ENPP2: variants seen among roughly 807,000 people sequenced by gnomAD.
ENPP2 encodes ectonucleotide pyrophosphatase/phosphodiesterase 2.
ENPP2 carries 51 observed loss-of-function variants against 120.2 expected under a neutral mutation model. The ratio of observed to expected loss-of-function variants is 0.42; its 90% CI spans 0.34 to 0.54. The LOEUF (loss-of-function observed/expected upper bound fraction) is 0.54. Among genes scored for constraint, ENPP2 ranks in the 20% least tolerant of loss-of-function variants. The pLI is 0.04. For synonymous variants in ENPP2, 365 were observed against 366.4 expected (o/e 1.00, Z 0.04); for missense variants, 920 against 1,066.5 (o/e 0.86, Z 1.91).
intron 19 of ENPP2, chr8:119,572,284 C>T (rs1485439264): frequency 6.8e-7 from 1 of 1,460,648 alleles, no homozygotes; most frequent in African/African-American, 1.4e-5. Context: ...CTTTGAGAAG[C>T]TATTCTCTTT....
intron 19 of ENPP2, chr8:119,572,033 G>A: frequency 1.6e-6 from 1 of 611,434 alleles, no homozygotes; most frequent in Non-Finnish European, 2.8e-6. Context: ...CAAATTTGGG[G>A]ACCCACCCCT....
intron 22 of ENPP2, among the ~76,000 whole-genome samples, chr8:119,566,604 C>A (rs548148610): frequency 2.6e-5 from 4 of 152,218 alleles, no homozygotes; most frequent in South Asian, 4.1e-4. Context: ...AAAGGCCAGG[C>A]CTGCAGAAAT....
intron 1 of ENPP2, among the ~76,000 whole-genome samples, chr8:119,665,899 T>C (rs929379634): frequency 1.3e-5 from 2 of 152,114 alleles, no homozygotes; most frequent in African/African-American, 2.4e-5. Context: ...GTCTTGGGAG[T>C]TGGTCATTAT....
chr8:119,626,772 A>G, intron 2 of ENPP2, 52 bp from the exon 3 acceptor site: 1 of 1,560,072 alleles, frequency 6.4e-7, no homozygotes, highest in Non-Finnish European at 8.8e-7. Flanking sequence ...TCATGTCACC[A>G]TGGAAAGGTG....
At chr8:119,585,802 A>G (rs1247936294) in intron 15 of ENPP2, among the ~76,000 whole-genome samples, 1 of 152,228 alleles carries the variant, frequency 6.6e-6, no homozygotes, top group Non-Finnish European at 1.5e-5. Flanking sequence ...AAATATTGCT[A>G]CAAGCAAAGT....
chr8:119,644,528 C>A (rs1040980878), intron 1 of ENPP2, among the ~76,000 whole-genome samples: 5 of 143,614 alleles, frequency 3.5e-5, no homozygotes, highest in African/African-American at 1.3e-4. Context: ...TAAATAGTTA[C>A]AATAAGGGAC....
chr8:119,617,178 A>G lies in ENPP2; in HGVS notation c.643T>C (p.Tyr215His). ...VYPTKTFPNL[Y>H]TLATGLYPES... is the part of the protein sequence containing the mutation. Reference sequence around the variant, plus strand: ...AAAATACTTACAGTGGCCAAAGTGTATAAGTTAGGAAAGGTTTTAGTTGGG... The same window carrying G: ...AAAATACTTACAGTGGCCAAAGTGTGTAAGTTAGGAAAGGTTTTAGTTGGG... Residue 215 changes from tyrosine (Y) to histidine (H), a missense_variant, in exon 7 of 25, where the codon TAC becomes CAC. Transcript: ENST00000075322. 6.2e-7 allele frequency: 1 copy of G among 1,610,892 alleles called. No individual in the cohort carries two copies. Among genetic ancestry groups the G allele is most frequent in the Non-Finnish European group, 8.5e-7 (1 of 1,177,034 alleles).
chr8:119,566,222 G>A (rs1450932538), intron 22 of ENPP2, among the ~76,000 whole-genome samples: 1 of 152,124 alleles, frequency 6.6e-6, no homozygotes, highest in African/African-American at 2.4e-5. Flanking sequence ...CAACCAGAGG[G>A]GCAGAATGGA....
chr8:119,580,166 T>C lies in ENPP2; in HGVS notation c.1730A>G (p.Asn577Ser), dbSNP rs2289886. 1.2e-3 allele frequency: 2,009 copies of C among 1,612,356 alleles called. 46 individuals carry two copies. The East Asian group carries it at 0.041, about 33-fold the overall frequency. Reference sequence around the variant, plus strand: ...CCGTTTGTTGAGTTCATCCAACTTGTTCTTCATGTGTGAAAACCAGTAAAG... The same window carrying C: ...CCGTTTGTTGAGTTCATCCAACTTGCTCTTCATGTGTGAAAACCAGTAAAG... ...CTCDDKVEPK[N>S]KLDELNKRLH... The change falls in exon 19 of 25, where the codon AAC becomes AGC. Residue 577 changes from asparagine to serine, a missense_variant and splice_region_variant. Coordinates refer to ENST00000075322, the MANE Select transcript of ENPP2 (RefSeq NM_001040092.3).
chr8:119,557,748 A>G lies in ENPP2; in HGVS notation c.2422-57T>C, dbSNP rs1813580643. On this transcript the variant is annotated intron_variant, in intron 24 of 24. Transcript: ENST00000075322. ...GAATTTTCCAGAGGAGTTTCTCCAA[A>G]TGGTCAGTTTACTCCAAGTCCACAA... is the stretch of plus-strand genomic sequence containing the variant. 16 of 1,449,800 alleles carry G rather than the reference A, an allele frequency of 1.1e-5. No homozygotes were observed. In the South Asian group the frequency reaches 2.2e-4, roughly 20 times the overall value. 89.8% of individuals were successfully genotyped at this position (1,449,800 alleles called of 1,614,324 possible).
At chr8:119,604,012 C>CTCTT (rs1563722581) in intron 9 of ENPP2, among the ~76,000 whole-genome samples, 11 of 136,594 alleles carry the variant, frequency 8.1e-5, no homozygotes, top group Non-Finnish European at 6.3e-5. Flanking sequence ...CAATCTCTCT[C>CTCTT]TTTTTTTTTT....
intron 18 of ENPP2, among the ~76,000 whole-genome samples, chr8:119,581,515 C>G (rs1281013673): frequency 1.3e-5 from 2 of 152,010 alleles, no homozygotes; most frequent in Admixed American, 1.3e-4. Flanking sequence ...GGGAGTGCTC[C>G]CTGCTGGGTT....
chr8:119,591,371 C>T lies in ENPP2; in HGVS notation c.1082-741G>A, dbSNP rs1306545459. Reference sequence around the variant, plus strand: ...TTAAACAACAAATATTTCTCCTCCACCCCAAGATTTGTTGTGTGTCCCCAT... The same window carrying T: ...TTAAACAACAAATATTTCTCCTCCATCCCAAGATTTGTTGTGTGTCCCCAT... On this transcript the variant is annotated intron_variant, in intron 12 of 24. Coordinates refer to ENST00000075322, the MANE Select transcript of ENPP2 (RefSeq NM_001040092.3). Among the ~76,000 whole-genome samples, 6 of 152,302 alleles carry T rather than the reference C, an allele frequency of 3.9e-5. No individual in the cohort carries two copies. The South Asian group carries it at 6.2e-4, about 16-fold the overall frequency.
intron 12 of ENPP2, among the ~76,000 whole-genome samples, chr8:119,591,773 T>C (rs1015261370): frequency 1.3e-5 from 2 of 152,176 alleles, no homozygotes; most frequent in Admixed American, 1.3e-4. Context: ...ATAAGGATTA[T>C]ATATCTTGCA....
chr8:119,638,384 A>G (rs772243113), intron 2 of ENPP2, 41 bp downstream of exon 2: 5 of 994,438 alleles, frequency 5.0e-6, no homozygotes, highest in Non-Finnish European at 8.1e-6. Context: ...CGTATGTAAT[A>G]TTTTTAAAAA....
At chr8:119,609,269 C>T (rs1448605249) in intron 8 of ENPP2, among the ~76,000 whole-genome samples, 1 of 152,168 alleles carries the variant, frequency 6.6e-6, no homozygotes, top group East Asian at 1.9e-4. Flanking sequence ...CAGCCCCAAA[C>T]TAACAGCTAC....
intron 1 of ENPP2, among the ~76,000 whole-genome samples, chr8:119,658,736 C>T (rs1030038285): frequency 1.3e-5 from 2 of 152,208 alleles, no homozygotes; most frequent in African/African-American, 4.8e-5. Context: ...GGCCACAGGA[C>T]TATAAGCCCC....
At position 119,583,652 on chromosome 8, in the gene ENPP2, T is replaced by C. The variant is rs1812904103; in HGVS notation, c.1543+65A>G. ...AGACACCTCATTTCTTTCTCTGACA[T>C]TGAGAAAGATCATATATACTAACTA... On this transcript the variant is annotated intron_variant, in intron 17 of 24. Coordinates refer to ENST00000075322, the MANE Select transcript of ENPP2 (RefSeq NM_001040092.3). 3.4e-6 allele frequency: 3 copies of C among 883,960 alleles called. No homozygotes were observed. In the South Asian group the frequency reaches 5.0e-5, roughly 15 times the overall value. The allele number at this position is 883,960 out of a possible 1,614,324, so 54.8% of individuals were successfully genotyped here. A position where few individuals can be genotyped will look rare whatever the true frequency, so the allele number is the denominator to read the frequency against.
chr8:119,559,549 A>G (rs1466813889), intron 24 of ENPP2, among the ~76,000 whole-genome samples: 1 of 152,194 alleles, frequency 6.6e-6, no homozygotes, highest in Admixed American at 6.5e-5. Flanking sequence ...CATCATTAGG[A>G]AATACTAGCT....
Sources: allele counts gnomAD v4.1 joint callset (sites outside exome capture counted in the v4.1 genomes callset), GRCh38; gene constraint gnomAD v4.1.1; transcripts MANE v1.5; gene names NCBI Gene and HGNC (gene_info 2026-07-23, HGNC 2026-07-21).